VWC2L: variants seen among roughly 807,000 people sequenced by gnomAD.
VWC2L encodes von Willebrand factor C domain containing 2 like.
VWC2L carries 10 observed loss-of-function variants against 21.6 expected under a neutral mutation model. The observed-to-expected ratio is 0.46, with a 90% CI of 0.29 to 0.78. The LOEUF (loss-of-function observed/expected upper bound fraction) is 0.78, where lower values mean the gene tolerates loss of function less well. VWC2L is among the 30% of genes least tolerant of loss of function. The probability of loss-of-function intolerance (pLI) is 0.10; values close to 1 mark genes in which losing one functional copy is unlikely to be tolerated. For missense variants in VWC2L, 209 were observed against 277.1 expected, an observed-to-expected ratio of 0.75 and a Z score of 1.74; for synonymous variants, 96 against 94.3, an observed-to-expected ratio of 1.02 and a Z score of -0.10.
chr2:214,552,644 C>CAA (rs1689812127), intron 3 of VWC2L, among the ~76,000 whole-genome samples: 1 of 152,194 alleles, frequency 6.6e-6, no homozygotes, highest in Non-Finnish European at 1.5e-5. Context: ...TCCCAGGGTT[C>CAA]TATTTCTCTA....
chr2:214,575,829 TC>T lies in VWC2L; in HGVS notation c.*11del. The T allele has an allele frequency of 6.2e-7, 1 of 1,610,184 alleles. No individual in the cohort carries two copies. Among genetic ancestry groups the T allele is most frequent in the Non-Finnish European group, 8.5e-7 (1 of 1,177,074 alleles). On this transcript the variant is annotated 3_prime_UTR_variant, in exon 4 of 4. Coordinates refer to ENST00000312504, the MANE Select transcript of VWC2L (RefSeq NM_001080500.4). ...GCAAGCAGACTGTGTAGGACAAACTTCCACCCAATGATGAGTTCTTAGGAAA... is the reference window on the plus strand; with the variant it reads ...GCAAGCAGACTGTGTAGGACAAACTTCACCCAATGATGAGTTCTTAGGAAA...
intron 2 of VWC2L, among the ~76,000 whole-genome samples, chr2:214,416,550 G>A (rs1202007378): frequency 6.6e-6 from 1 of 151,984 alleles, no homozygotes; most frequent in Admixed American, 6.6e-5. Context: ...GTCAGAATGA[G>A]AAACTGAGAC....
chr2:214,429,153 C>T (rs1010523626), intron 2 of VWC2L, among the ~76,000 whole-genome samples: 3 of 152,212 alleles, frequency 2.0e-5, no homozygotes, highest in Admixed American at 6.5e-5. Context: ...CTGATATCAA[C>T]AATCTCTCCT....
intron 3 of VWC2L, among the ~76,000 whole-genome samples, chr2:214,477,414 G>A (rs1446107102): frequency 2.0e-5 from 3 of 152,190 alleles, no homozygotes; most frequent in Non-Finnish European, 4.4e-5. Context: ...TATATCTCTG[G>A]TACGAATCTG....
At chr2:214,574,384 A>G (rs957400724) in intron 3 of VWC2L, among the ~76,000 whole-genome samples, 10 of 152,214 alleles carry the variant, frequency 6.6e-5, no homozygotes, top group African/African-American at 2.4e-4. Flanking sequence ...TTAAAACCAT[A>G]ACATATTGAA....
At chr2:214,428,861 G>A (rs1280060657) in intron 2 of VWC2L, among the ~76,000 whole-genome samples, 2 of 150,054 alleles carry the variant, frequency 1.3e-5, no homozygotes, top group Non-Finnish European at 3.0e-5. Flanking sequence ...AATCTGATTG[G>A]CACTTCTAAT....
chr2:214,543,368 T>A (rs901270021), intron 3 of VWC2L, among the ~76,000 whole-genome samples: 2 of 152,206 alleles, frequency 1.3e-5, no homozygotes, highest in Non-Finnish European at 2.9e-5. Flanking sequence ...CAGTTTCACA[T>A]GAATGAAATT....
chr2:214,429,892 T>C (rs187129928), intron 2 of VWC2L, among the ~76,000 whole-genome samples: 1,665 of 152,250 alleles, frequency 0.011, 30 homozygotes, highest in African/African-American at 0.038. Context: ...GGCGCAATCT[T>C]GGCTCACTGC....
At chr2:214,422,347 CTTACT>C (rs1304733139) in intron 2 of VWC2L, among the ~76,000 whole-genome samples, 2 of 151,706 alleles carry the variant, frequency 1.3e-5, no homozygotes, top group Non-Finnish European at 2.9e-5. Context: ...CAAGAGTGTT[CTTACT>C]TTAAGAAAAT....
chr2:214,446,892 T>G (rs182127846), intron 3 of VWC2L, among the ~76,000 whole-genome samples: 19 of 152,326 alleles, frequency 1.2e-4, no homozygotes, highest in African/African-American at 4.1e-4. Context: ...AACATTCATA[T>G]AATCTTGGAG....
intron 1 of VWC2L, among the ~76,000 whole-genome samples, chr2:214,413,663 G>GAATT (rs1482541438): frequency 6.6e-6 from 1 of 151,980 alleles, no homozygotes; most frequent in Non-Finnish European, 1.5e-5. Flanking sequence ...CTTTCCTTTA[G>GAATT]AATTAGATTT....
intron 2 of VWC2L, among the ~76,000 whole-genome samples, chr2:214,421,829 C>T (rs1398815545): frequency 6.9e-6 from 1 of 145,072 alleles, no homozygotes; most frequent in African/African-American, 2.6e-5. Context: ...CACCAAAAGA[C>T]AGAATTGGTT....
At chr2:214,495,376 T>C (rs1254076116) in intron 3 of VWC2L, among the ~76,000 whole-genome samples, 1 of 152,226 alleles carries the variant, frequency 6.6e-6, no homozygotes, top group East Asian at 1.9e-4. Context: ...TCAGGGATTA[T>C]GCTGTCTCAT....
At chr2:214,498,282 GA>G (rs1688839358) in intron 3 of VWC2L, among the ~76,000 whole-genome samples, 1 of 152,142 alleles carries the variant, frequency 6.6e-6, no homozygotes, top group African/African-American at 2.4e-5. Flanking sequence ...TGGACATAGA[GA>G]AAAACTCTTT....
intron 3 of VWC2L, among the ~76,000 whole-genome samples, chr2:214,542,751 G>A (rs1250367437): frequency 6.6e-6 from 1 of 151,958 alleles, no homozygotes; most frequent in Non-Finnish European, 1.5e-5. Context: ...CCTACTCCAG[G>A]GATAAATTTA....
At chr2:214,497,971 G>A (rs1232237760) in intron 3 of VWC2L, among the ~76,000 whole-genome samples, 3 of 152,142 alleles carry the variant, frequency 2.0e-5, no homozygotes, top group Admixed American at 6.5e-5. Flanking sequence ...AATAGAAGTT[G>A]GGGGAGAAAT....
At chr2:214,419,928 G>A (rs1042776104) in intron 2 of VWC2L, among the ~76,000 whole-genome samples, 4 of 151,984 alleles carry the variant, frequency 2.6e-5, no homozygotes, top group Non-Finnish European at 5.9e-5. Context: ...GTGTGGTGGC[G>A]GGCACCTCTA....
At chr2:214,569,406 C>G (rs1393254889) in intron 3 of VWC2L, among the ~76,000 whole-genome samples, 5 of 152,258 alleles carry the variant, frequency 3.3e-5, no homozygotes, top group Non-Finnish European at 7.4e-5. Flanking sequence ...GCCAACAAGG[C>G]CCCCAGTCTA....
chr2:214,501,251 C>T (rs1004107360), intron 3 of VWC2L, among the ~76,000 whole-genome samples: 2 of 152,116 alleles, frequency 1.3e-5, no homozygotes, highest in African/African-American at 4.8e-5. Flanking sequence ...TCCACCTTCC[C>T]TCTGATGAAG....
Sources: gnomAD v4.1 joint callset for allele counts (sites outside exome capture counted in the v4.1 genomes callset) on GRCh38, gnomAD v4.1.1 for gene constraint, MANE v1.5 for transcripts, NCBI Gene and HGNC (gene_info 2026-07-23, HGNC 2026-07-21) for gene names.